The following METTL15 variants were observed in gnomAD, a reference collection of about 807,000 sequenced individuals.
The protein encoded by METTL15 is 12S rRNA N(4)-cytidine methyltransferase METTL15.
METTL15 carries 34 observed loss-of-function variants against 38.3 expected under a neutral mutation model. That is an observed-to-expected ratio of 0.89 (90% confidence interval 0.68 to 1.18). The LOEUF (loss-of-function observed/expected upper bound fraction) is 1.18, where lower values mean the gene tolerates loss of function less well. Ranked by LOEUF, METTL15 falls within the 50% of genes most tolerant of loss-of-function variation. The pLI is 0.00. For missense variants in METTL15, 438 were observed against 498.4 expected, an observed-to-expected ratio of 0.88 and a Z score of 1.15; for synonymous variants, 162 against 170.9, an observed-to-expected ratio of 0.95 and a Z score of 0.41.
chr11:28,431,780 A>AAT (rs1469637309), intron 6 of METTL15, among the ~76,000 whole-genome samples: 3 of 65,768 alleles, frequency 4.6e-5, no homozygotes, highest in Non-Finnish European at 8.5e-5. Flanking sequence ...TATCAATAAA[A>AAT]AAATAAATTT....
intron 3 of METTL15, among the ~76,000 whole-genome samples, chr11:28,208,709 G>T (rs1033769495): frequency 1.3e-5 from 2 of 152,130 alleles, no homozygotes; most frequent in South Asian, 2.1e-4. Context: ...TGACTGTGGG[G>T]TGTTAAAGTC....
intron 6 of METTL15, among the ~76,000 whole-genome samples, chr11:28,328,534 T>C (rs1849711376): frequency 6.6e-6 from 1 of 152,096 alleles, no homozygotes; most frequent in African/African-American, 2.4e-5. Context: ...ATTGCAGTTA[T>C]TTTCTGAGAT....
chr11:28,194,635 G>T (rs921171597), intron 3 of METTL15, among the ~76,000 whole-genome samples: 1 of 151,442 alleles, frequency 6.6e-6, no homozygotes, highest in East Asian at 1.9e-4. Context: ...TGTTGAAAAA[G>T]AAAAAAATAA....
intron 6 of METTL15, among the ~76,000 whole-genome samples, chr11:28,513,904 G>T (rs760152329): frequency 6.6e-6 from 1 of 152,218 alleles, no homozygotes; most frequent in Admixed American, 6.5e-5. Context: ...TCTAGCGTGG[G>T]CATTATGACC....
chr11:28,279,569 G>A (rs914935832), intron 4 of METTL15, among the ~76,000 whole-genome samples: 2 of 151,874 alleles, frequency 1.3e-5, no homozygotes, highest in African/African-American at 2.4e-5. Context: ...TCATTTTGAG[G>A]TTACTTTGGT....
chr11:28,384,855 T>C (rs1455151343), intron 5 of METTL15, among the ~76,000 whole-genome samples: 1 of 152,202 alleles, frequency 6.6e-6, no homozygotes, highest in African/African-American at 2.4e-5. Flanking sequence ...AGAGATGTTA[T>C]GTCATTGTGG....
intron 6 of METTL15, among the ~76,000 whole-genome samples, chr11:28,302,248 A>G (rs1050431539): frequency 6.6e-6 from 1 of 152,160 alleles, no homozygotes; most frequent in African/African-American, 2.4e-5. Flanking sequence ...TTATACAGTT[A>G]ACAAAGTGCA....
At chr11:28,235,537 G>T (rs867498405) in intron 4 of METTL15, among the ~76,000 whole-genome samples, 1 of 152,120 alleles carries the variant, frequency 6.6e-6, no homozygotes, top group Non-Finnish European at 1.5e-5. Context: ...TTGTAAGTTG[G>T]ATTCCTAAGT....
At chr11:28,264,532 T>A (rs1403495107) in intron 4 of METTL15, among the ~76,000 whole-genome samples, 1 of 152,116 alleles carries the variant, frequency 6.6e-6, no homozygotes, top group Non-Finnish European at 1.5e-5. Flanking sequence ...TGTCACCTGA[T>A]TATCAATCAA....
chr11:28,498,993 A>G (rs1304193735), intron 6 of METTL15, among the ~76,000 whole-genome samples: 1 of 152,216 alleles, frequency 6.6e-6, no homozygotes, highest in Non-Finnish European at 1.5e-5. Flanking sequence ...TTATTAATAC[A>G]TCTTAACTCT....
intron 5 of METTL15, among the ~76,000 whole-genome samples, chr11:28,375,738 A>G (rs1302523446): frequency 6.6e-6 from 1 of 151,720 alleles, no homozygotes; most frequent in Non-Finnish European, 1.5e-5. Context: ...TTGCTTTTCT[A>G]GTTCTTTTAA....
chr11:28,348,631 G>C (rs767285803), intron 3 of METTL15, among the ~76,000 whole-genome samples: 2 of 152,116 alleles, frequency 1.3e-5, no homozygotes, highest in African/African-American at 4.8e-5. Flanking sequence ...CTCCCAAAGT[G>C]CTGAAATTAC....
intron 6 of METTL15, among the ~76,000 whole-genome samples, chr11:28,489,479 A>G (rs1851475532): frequency 6.6e-6 from 1 of 152,166 alleles, no homozygotes; most frequent in Admixed American, 6.6e-5. Context: ...TGGGGAACAC[A>G]CATAAACAGG....
At chr11:28,348,882 ATTTCC>A (rs1850018809) in intron 3 of METTL15, among the ~76,000 whole-genome samples, 1 of 152,100 alleles carries the variant, frequency 6.6e-6, no homozygotes, top group Non-Finnish European at 1.5e-5. Context: ...TTCTTTGAGT[ATTTCC>A]TTTCTTTCTA....
chr11:28,200,726 A>G (rs1852080397), intron 3 of METTL15, among the ~76,000 whole-genome samples: 1 of 152,100 alleles, frequency 6.6e-6, no homozygotes, highest in South Asian at 2.1e-4. Flanking sequence ...TTGTTGGTGT[A>G]AAGGAATGCT....
At chr11:28,503,639 A>C (rs1406276032) in intron 6 of METTL15, among the ~76,000 whole-genome samples, 1 of 151,800 alleles carries the variant, frequency 6.6e-6, no homozygotes, top group Non-Finnish European at 1.5e-5. Context: ...AAAAATATAA[A>C]AATTAGCCAG....
intron 4 of METTL15, among the ~76,000 whole-genome samples, chr11:28,219,865 G>A (rs1424382405): frequency 2.0e-5 from 3 of 152,142 alleles, no homozygotes; most frequent in African/African-American, 7.2e-5. Context: ...ATGTAGTTGA[G>A]TGGTTTTGAG....
At chr11:28,363,878 C>T (rs77877203) in intron 5 of METTL15, among the ~76,000 whole-genome samples, 1,686 of 152,178 alleles carry the variant, frequency 0.011, 41 homozygotes, top group African/African-American at 0.039. Context: ...GGTAGGAGTC[C>T]AGTTTTATTC....
At chr11:28,201,502 A>G (rs939928503) in intron 3 of METTL15, among the ~76,000 whole-genome samples, 2 of 151,966 alleles carry the variant, frequency 1.3e-5, no homozygotes, top group East Asian at 1.9e-4. Flanking sequence ...CTGTGAACCC[A>G]TCTGGTCCTG....
Sources: gnomAD v4.1 joint callset for allele counts (sites outside exome capture counted in the v4.1 genomes callset) on GRCh38, gnomAD v4.1.1 for gene constraint, MANE v1.5 for transcripts, NCBI Gene and HGNC (gene_info 2026-07-23, HGNC 2026-07-21) for gene names.